The following MAD1L1 variants were observed in gnomAD, a reference collection of about 807,000 sequenced individuals.
The protein encoded by MAD1L1 is mitotic arrest deficient 1 like 1, also known as mitotic spindle assembly checkpoint protein MAD1.
A neutral mutation model predicts 96.9 loss-of-function variants in MAD1L1; 95 were observed. The ratio of observed to expected loss-of-function variants is 0.98; its 90% confidence interval spans 0.83 to 1.16. MAD1L1 has a LOEUF of 1.16. Among genes scored for constraint, MAD1L1 ranks in the 50% most tolerant of loss-of-function variants. MAD1L1 has a pLI of 0.00. For synonymous variants in MAD1L1, 473 were observed against 396.6 expected (o/e 1.19, Z -2.29); for missense variants, 1,007 against 954.4 (o/e 1.06, Z -0.73).
At chr7:2,163,449 C>T (rs1278028331) in intron 10 of MAD1L1, among the ~76,000 whole-genome samples, 1 of 152,224 alleles carries the variant, frequency 6.6e-6, no homozygotes, top group Non-Finnish European at 1.5e-5. Context: ...TCTCGGCTCA[C>T]TGCAACCTCT....
chr7:1,962,235 G>A (rs1779985264), intron 15 of MAD1L1, among the ~76,000 whole-genome samples: 1 of 152,234 alleles, frequency 6.6e-6, no homozygotes, highest in African/African-American at 2.4e-5. Context: ...TTTTATAAGG[G>A]GTTTCCCCTT....
chr7:2,023,893 G>A (rs1213185264), intron 12 of MAD1L1, among the ~76,000 whole-genome samples: 1 of 152,032 alleles, frequency 6.6e-6, no homozygotes, highest in African/African-American at 2.4e-5. Context: ...AAGTTGCAGT[G>A]AGCCGAGATC....
chr7:1,824,706 C>A (rs1782300243), intron 18 of MAD1L1, among the ~76,000 whole-genome samples: 1 of 152,188 alleles, frequency 6.6e-6, no homozygotes, highest in Non-Finnish European at 1.5e-5. Context: ...TCCCTGTGAA[C>A]CTCGCTTGTA....
At chr7:2,164,601 G>T (rs3779010) in intron 10 of MAD1L1, among the ~76,000 whole-genome samples, 5 of 134,144 alleles carry the variant, frequency 3.7e-5, no homozygotes, top group African/African-American at 1.3e-4. Context: ...AATGGGGGGG[G>T]GGGGGGTTGC....
At chr7:2,025,234 A>C (rs1259481252) in intron 12 of MAD1L1, among the ~76,000 whole-genome samples, 1 of 152,236 alleles carries the variant, frequency 6.6e-6, no homozygotes, top group African/African-American at 2.4e-5. Flanking sequence ...ATCTAGAGGA[A>C]CATTTCAACA....
intron 11 of MAD1L1, among the ~76,000 whole-genome samples, chr7:2,091,574 G>T (rs1240534871): frequency 6.6e-6 from 1 of 152,346 alleles, no homozygotes; most frequent in East Asian, 1.9e-4. Flanking sequence ...AGGAGATCGA[G>T]ACCATACTGG....
At chr7:2,203,103 T>C (rs1372368337) in intron 10 of MAD1L1, among the ~76,000 whole-genome samples, 2 of 151,952 alleles carry the variant, frequency 1.3e-5, no homozygotes, top group Non-Finnish European at 2.9e-5. Context: ...ACGGGTATAA[T>C]GCCCACCCGC....
At chr7:1,826,222 G>T (rs995403793) in intron 18 of MAD1L1, among the ~76,000 whole-genome samples, 1 of 152,112 alleles carries the variant, frequency 6.6e-6, no homozygotes, top group Non-Finnish European at 1.5e-5. Flanking sequence ...CACATCCACG[G>T]CCCGAAGGTG....
At chr7:2,012,585 G>C (rs561174913) in intron 13 of MAD1L1, among the ~76,000 whole-genome samples, 1 of 152,340 alleles carries the variant, frequency 6.6e-6, no homozygotes, top group Admixed American at 6.5e-5. Flanking sequence ...AGGAAAGCCA[G>C]GAGCGGGAGG....
At chr7:1,817,653 T>C (rs1230851210) in intron 18 of MAD1L1, among the ~76,000 whole-genome samples, 3 of 152,256 alleles carry the variant, frequency 2.0e-5, no homozygotes, top group Middle Eastern at 3.4e-3. Flanking sequence ...GCACTGAATG[T>C]GCCGGGAGGA....
At chr7:2,229,622 C>G (rs572525109) in intron 3 of MAD1L1, among the ~76,000 whole-genome samples, 1 of 152,216 alleles carries the variant, frequency 6.6e-6, no homozygotes, top group Non-Finnish European at 1.5e-5. Flanking sequence ...ACAGCCTTCC[C>G]GACAGTCCTG....
At chr7:2,113,743 C>T (rs747163820) in intron 11 of MAD1L1, among the ~76,000 whole-genome samples, 3 of 152,152 alleles carry the variant, frequency 2.0e-5, no homozygotes, top group Admixed American at 1.3e-4. Flanking sequence ...TCGCACACCC[C>T]GACATCACAC....
intron 18 of MAD1L1, among the ~76,000 whole-genome samples, chr7:1,851,874 C>T (rs563259077): frequency 2.0e-5 from 3 of 152,316 alleles, no homozygotes; most frequent in South Asian, 2.1e-4. Context: ...TGCCTGCCAA[C>T]AGCTGGTTCG....
chr7:2,154,748 G>A (rs1789741275), intron 10 of MAD1L1, among the ~76,000 whole-genome samples: 1 of 152,166 alleles, frequency 6.6e-6, no homozygotes, highest in Non-Finnish European at 1.5e-5. Context: ...CTCCATATCA[G>A]AAAAAGAAAA....
intron 10 of MAD1L1, among the ~76,000 whole-genome samples, chr7:2,168,545 C>T (rs1790549402): frequency 6.6e-6 from 1 of 152,220 alleles, no homozygotes; most frequent in African/African-American, 2.4e-5. Flanking sequence ...CCTGGGCTTT[C>T]CTGAACTTCA....
chr7:1,929,087 T>TC (rs1789274204), intron 17 of MAD1L1, among the ~76,000 whole-genome samples: 1 of 152,030 alleles, frequency 6.6e-6, no homozygotes, highest in African/African-American at 2.4e-5. Context: ...GGCACCCTCC[T>TC]CCCTGAGGCC....
At chr7:2,203,356 T>C (rs1373675414) in intron 10 of MAD1L1, among the ~76,000 whole-genome samples, 1 of 152,180 alleles carries the variant, frequency 6.6e-6, no homozygotes, top group Non-Finnish European at 1.5e-5. Context: ...TCGAGCTGAA[T>C]CTCTCTAGAA....
chr7:2,016,620 G>C (rs992162936), intron 12 of MAD1L1, among the ~76,000 whole-genome samples: 4 of 152,228 alleles, frequency 2.6e-5, no homozygotes. Context: ...CAGGGGCTCA[G>C]GAAACCCCGG....
chr7:2,108,165 T>C (rs187958530), intron 11 of MAD1L1, among the ~76,000 whole-genome samples: 11 of 152,368 alleles, frequency 7.2e-5, no homozygotes, highest in Admixed American at 1.3e-4. Flanking sequence ...TTGGGGGCTG[T>C]AGCAAATGAA....
Sources: gnomAD v4.1 joint callset for allele counts (sites outside exome capture counted in the v4.1 genomes callset) on GRCh38, gnomAD v4.1.1 for gene constraint, MANE v1.5 for transcripts, NCBI Gene and HGNC (gene_info 2026-07-23, HGNC 2026-07-21) for gene names.